Variants in FIG4 observed in about 807,000 individuals in gnomAD.
FIG4 encodes polyphosphoinositide phosphatase.
FIG4 carries 112 observed loss-of-function variants against 118.6 expected under a neutral mutation model. The ratio of observed to expected loss-of-function variants is 0.94; its 90% CI spans 0.81 to 1.11. FIG4 has a LOEUF of 1.11. FIG4 is among the 50% of genes least tolerant of loss of function. The pLI, the probability that FIG4 is intolerant of heterozygous loss-of-function variation, is 0.00. For synonymous variants in FIG4, 369 were observed against 381.2 expected (o/e 0.97, Z 0.37); for missense variants, 969 against 1,111.7 (o/e 0.87, Z 1.83).
At chr6:109,786,506 T>G in intron 18 of FIG4, 57 bp downstream of exon 18, 1 of 1,578,558 alleles carries the variant, frequency 6.3e-7, no homozygotes, top group Non-Finnish European at 8.7e-7. Flanking sequence ...TTTCCTAGTT[T>G]GTATATATAT....
At chr6:109,713,895 A>G (rs1196166124) in intron 1 of FIG4, among the ~76,000 whole-genome samples, 1 of 152,142 alleles carries the variant, frequency 6.6e-6, no homozygotes, top group African/African-American at 2.4e-5. Flanking sequence ...GAGAGAGGTC[A>G]GCAGACCAAG....
intron 20 of FIG4, 59 bp downstream of exon 20, chr6:109,791,630 A>C: frequency 6.7e-7 from 1 of 1,496,990 alleles, no homozygotes; most frequent in Admixed American, 1.7e-5. Flanking sequence ...GATCTTTACA[A>C]CTCCGCTTTC....
intron 1 of FIG4, among the ~76,000 whole-genome samples, chr6:109,696,116 C>T (rs890977903): frequency 6.6e-6 from 1 of 152,240 alleles, no homozygotes; most frequent in South Asian, 2.1e-4. Context: ...GCATTGTCCC[C>T]ATAAACTTTT....
intron 15 of FIG4, among the ~76,000 whole-genome samples, chr6:109,773,859 A>T: frequency 6.6e-6 from 1 of 152,070 alleles, no homozygotes. Flanking sequence ...TTCTGTAGAG[A>T]TAGGGTCTCC....
intron 18 of FIG4, among the ~76,000 whole-genome samples, chr6:109,787,371 C>T (rs1273250555): frequency 4.6e-5 from 7 of 152,110 alleles, no homozygotes; most frequent in Non-Finnish European, 1.5e-5. Flanking sequence ...AGAAATCACT[C>T]TACATTTTGC....
At chr6:109,703,462 G>A (rs1416378181) in intron 1 of FIG4, among the ~76,000 whole-genome samples, 1 of 152,142 alleles carries the variant, frequency 6.6e-6, no homozygotes, top group African/African-American at 2.4e-5. Context: ...GCCAGTTTAG[G>A]AGTCAGCTTT....
At chr6:109,816,627 C>G (rs572029568) in intron 22 of FIG4, among the ~76,000 whole-genome samples, 8 of 152,310 alleles carry the variant, frequency 5.3e-5, no homozygotes, top group Admixed American at 5.2e-4. Flanking sequence ...GATACCCAGT[C>G]CTTGTTGCCT....
At chr6:109,697,261 CAAAA>C (rs566216314) in intron 1 of FIG4, among the ~76,000 whole-genome samples, 1 of 63,194 alleles carries the variant, frequency 1.6e-5, no homozygotes. Flanking sequence ...GACTCTGTCT[CAAAA>C]AAAAAAAAAA....
intron 22 of FIG4, among the ~76,000 whole-genome samples, chr6:109,814,579 A>AT (rs1317472431): frequency 6.6e-6 from 1 of 151,692 alleles, no homozygotes. Context: ...TCATATTTCC[A>AT]TTTTTTTCAT....
chr6:109,730,229 G>A (rs183884177), intron 4 of FIG4, among the ~76,000 whole-genome samples: 119 of 151,786 alleles, frequency 7.8e-4, no homozygotes, highest in Admixed American at 4.8e-3. Context: ...TTGTATTTTC[G>A]GCAGAAATAG....
At chr6:109,691,533 G>A (rs1268343028) in intron 1 of FIG4, 32 bp downstream of exon 1, 2 of 1,540,524 alleles carry the variant, frequency 1.3e-6, no homozygotes, top group Non-Finnish European at 1.8e-6. Flanking sequence ...GGCGCAGGCG[G>A]GAGGATGGAT....
chr6:109,729,856 A>G (rs962788884), intron 4 of FIG4, among the ~76,000 whole-genome samples: 17 of 152,094 alleles, frequency 1.1e-4, no homozygotes, highest in Non-Finnish European at 2.1e-4. Flanking sequence ...ATTTCCACAC[A>G]CTAGCAGTAA....
At chr6:109,753,650 G>A (rs891976722) in intron 10 of FIG4, among the ~76,000 whole-genome samples, 10 of 151,146 alleles carry the variant, frequency 6.6e-5, no homozygotes. Flanking sequence ...CCTTGAAGAG[G>A]TCCTTCACAT....
intron 8 of FIG4, 100 bp from the exon 9 acceptor site, chr6:109,743,010 T>C: frequency 3.8e-6 from 4 of 1,064,610 alleles, no homozygotes; most frequent in Non-Finnish European, 5.6e-6. Flanking sequence ...ATAGGAATTA[T>C]AACTTCATTG....
At chr6:109,751,231 A>C (rs2128388656) in intron 10 of FIG4, among the ~76,000 whole-genome samples, 1 of 152,358 alleles carries the variant, frequency 6.6e-6, no homozygotes, top group South Asian at 2.1e-4. Flanking sequence ...GGTGATAATG[A>C]AAATGGCAAA....
Position 109,732,817 on chromosome 6 carries a change from A to G in FIG4, c.497+130A>G, listed in dbSNP as rs529539750. The stretch of plus-strand genomic sequence containing the variant: ...TAGTCAACTTGTTTTATCTAAAATC[A>G]TTAAAATATAGCTATTTCTTCCTTT... On this transcript the variant is annotated intron_variant, in intron 5 of 22. Coordinates refer to ENST00000230124, the MANE Select transcript of FIG4 (RefSeq NM_014845.6). 1.3e-3 allele frequency: 812 copies of G among 609,598 alleles called. 3 individuals carry two copies. Among genetic ancestry groups the G allele is most frequent in the Middle Eastern group, 3.2e-3 (11 of 3,434 alleles). 37.8% of individuals were successfully genotyped at this position (609,598 alleles called of 1,614,324 possible). A position where few individuals can be genotyped will look rare whatever the true frequency, so the allele number is the denominator to read the frequency against.
intron 5 of FIG4, among the ~76,000 whole-genome samples, chr6:109,734,286 A>T (rs1776095881): frequency 6.6e-6 from 1 of 151,626 alleles, no homozygotes; most frequent in Non-Finnish European, 1.5e-5. Context: ...TGCTAAAAAT[A>T]TATAGCTAGG....
rs748866195 is a variant in FIG4, at chr6:109,825,273, G to GC, written c.*9dup. ...AGGAACCGCTACCTGTGAAAAGAGC[G>GC]CAGGTCCACCTGGTGGACACGTCTG... is the stretch of plus-strand genomic sequence containing the variant. On this transcript the variant is annotated 3_prime_UTR_variant, in exon 23 of 23. Coordinates refer to ENST00000230124, the MANE Select transcript of FIG4 (RefSeq NM_014845.6). 1 of 1,612,104 alleles carries GC rather than the reference G, an allele frequency of 6.2e-7. No individual in the cohort carries two copies. Among genetic ancestry groups the GC allele is most frequent in the Non-Finnish European group, 8.5e-7 (1 of 1,178,272 alleles).
At chr6:109,724,186 G>A (rs1204608389) in intron 3 of FIG4, among the ~76,000 whole-genome samples, 7 of 152,002 alleles carry the variant, frequency 4.6e-5, no homozygotes. Context: ...AAGATTCACG[G>A]TGTACTTTAG....
Sources: allele counts gnomAD v4.1 joint callset (sites outside exome capture counted in the v4.1 genomes callset), GRCh38; gene constraint gnomAD v4.1.1; transcripts MANE v1.5; gene names NCBI Gene and HGNC (gene_info 2026-07-23, HGNC 2026-07-21).